Variants in ABCA13 observed in about 807,000 individuals in gnomAD.
ABCA13 encodes ATP-binding cassette sub-family A member 13.
Under a neutral mutation model 478.7 loss-of-function variants are expected in ABCA13, and 476 were observed. The ratio of observed to expected loss-of-function variants is 0.99; its 90% confidence interval spans 0.92 to 1.07. The LOEUF (loss-of-function observed/expected upper bound fraction) is 1.07, where lower values mean the gene tolerates loss of function less well. Among genes scored for constraint, ABCA13 ranks in the 50% least tolerant of loss-of-function variants. The pLI, the probability that ABCA13 is intolerant of heterozygous loss-of-function variation, is 0.00. For missense variants in ABCA13, 6,060 were observed against 5,910.6 expected (o/e 1.03, Z -0.83); for synonymous variants, 2,252 against 2,158.9 (o/e 1.04, Z -1.20).
In ABCA13 at chr7:48,339,439, A is replaced by G. The variant is rs961859689; in HGVS notation, c.10204+984A>G. Among the ~76,000 whole-genome samples the G allele has an allele frequency of 3.3e-5, 5 of 152,310 alleles. No individual in the cohort carries two copies. In the East Asian group the frequency reaches 9.6e-4, roughly 29 times the overall value. On this transcript the variant is annotated intron_variant, in intron 29 of 61. Transcript: ENST00000435803. ...CCATCTTCTGTTGCTGGAACCAAGG[A>G]CTGACATGGGTCTGAGAGATTTCCT...
chr7:48,394,329 G>A (rs886451639), intron 38 of ABCA13, among the ~76,000 whole-genome samples: 4 of 152,066 alleles, frequency 2.6e-5, no homozygotes, highest in Non-Finnish European at 5.9e-5. Context: ...TGCCTGCTGC[G>A]CTGGTCTTAT....
intron 5 of ABCA13, among the ~76,000 whole-genome samples, chr7:48,226,288 C>T (rs1007568483): frequency 6.6e-6 from 1 of 151,972 alleles, no homozygotes; most frequent in Non-Finnish European, 1.5e-5. Context: ...GAAGTCATGC[C>T]GAAAAGCATG....
At chr7:48,329,943 A>G (rs546163309) in intron 27 of ABCA13, among the ~76,000 whole-genome samples, 5 of 151,684 alleles carry the variant, frequency 3.3e-5, no homozygotes, top group Admixed American at 2.6e-4. Context: ...TCATCCATCC[A>G]TCTAGCCTTC....
intron 7 of ABCA13, among the ~76,000 whole-genome samples, chr7:48,231,956 C>G (rs1003901468): frequency 3.9e-5 from 6 of 152,068 alleles, no homozygotes; most frequent in African/African-American, 1.4e-4. Flanking sequence ...GCCACTGCGC[C>G]CAACCCTGAA....
At position 48,516,899 on chromosome 7, in the gene ABCA13, A is replaced by T; in HGVS notation, c.13797+18A>T. Reference sequence around the variant, plus strand: ...AAGCTAAGGTCAGTAGCTTTGTAGCATCACCTCTACACTTCTGCACCTCTA... The same window carrying T: ...AAGCTAAGGTCAGTAGCTTTGTAGCTTCACCTCTACACTTCTGCACCTCTA... On this transcript the variant is annotated intron_variant, in intron 52 of 61. Transcript: ENST00000435803. 6.2e-7 allele frequency: 1 copy of T among 1,612,070 alleles called. No homozygotes were observed. Among genetic ancestry groups the T allele is most frequent in the Non-Finnish European group, 8.5e-7 (1 of 1,178,596 alleles).
intron 38 of ABCA13, among the ~76,000 whole-genome samples, chr7:48,398,888 G>T (rs1817218768): frequency 6.6e-6 from 1 of 152,120 alleles, no homozygotes; most frequent in Non-Finnish European, 1.5e-5. Context: ...GCAAGAAAGA[G>T]AAATCAGTAG....
At chr7:48,293,150 C>T (rs901889949) in intron 20 of ABCA13, among the ~76,000 whole-genome samples, 2 of 148,362 alleles carry the variant, frequency 1.3e-5, no homozygotes, top group Admixed American at 1.4e-4. Context: ...CATGAGTGCT[C>T]TGATCATGGA....
chr7:48,387,622 T>C (rs1003533754), intron 35 of ABCA13, among the ~76,000 whole-genome samples, 200 bp from the exon 36 acceptor site: 4 of 152,142 alleles, frequency 2.6e-5, no homozygotes, highest in Non-Finnish European at 5.9e-5. Context: ...CACATGGCTG[T>C]GGATCAGGCC....
chr7:48,174,113 C>T (rs1207431124), intron 1 of ABCA13, among the ~76,000 whole-genome samples: 2 of 152,216 alleles, frequency 1.3e-5, no homozygotes, highest in Admixed American at 6.5e-5. Context: ...TTCTCCCATT[C>T]TCCAATGATA....
At chr7:48,216,191 A>G (rs975848743) in intron 3 of ABCA13, among the ~76,000 whole-genome samples, 4 of 152,166 alleles carry the variant, frequency 2.6e-5, no homozygotes, top group Admixed American at 2.6e-4. Context: ...ACGTGGCTCT[A>G]CCATTTTGCT....
At chr7:48,212,947 A>G (rs762716966) in intron 3 of ABCA13, among the ~76,000 whole-genome samples, 89 of 151,910 alleles carry the variant, frequency 5.9e-4, no homozygotes, top group Non-Finnish European at 1.1e-3. Context: ...ACTTTTTTCT[A>G]TTTTGAGTAG....
rs1390070593 is a variant in ABCA13, at chr7:48,273,794, C to T, written c.4128C>T (p.Asp1376=). The change falls in exon 17 of 62, where the codon GAC becomes GAT. Residue 1376 remains aspartate (D), a synonymous_variant. Coordinates refer to ENST00000435803, the MANE Select transcript of ABCA13 (RefSeq NM_152701.5). ...NTSQRMLRIL[D]TLNSTFSSEN... The stretch of plus-strand genomic sequence containing the variant: ...CACAGAGGATGTTACGTATTCTAGA[C>T]ACGTTAAATTCCACATTTTCCTCTG... The T allele has an allele frequency of 6.2e-7, 1 of 1,611,352 alleles. No individual in the cohort carries two copies. Among genetic ancestry groups the T allele is most frequent in the South Asian group, 1.1e-5 (1 of 90,800 alleles).
At chr7:48,497,797 C>T (rs908859108) in intron 48 of ABCA13, among the ~76,000 whole-genome samples, 10 of 152,194 alleles carry the variant, frequency 6.6e-5, no homozygotes, top group South Asian at 2.1e-4. Flanking sequence ...GCCCTGATGA[C>T]GCTGGGGACA....
intron 14 of ABCA13, 72 bp downstream of exon 14, chr7:48,248,516 C>G (rs2128688179): frequency 8.3e-7 from 1 of 1,211,040 alleles, no homozygotes; most frequent in East Asian, 2.4e-5. Context: ...CCCTTCTACA[C>G]AAATGATAGA....
rs766255289 is a variant in ABCA13, at chr7:48,372,388, C to CT, written c.11025dup (p.Asn3676Ter). On this transcript the variant is annotated frameshift_variant, in exon 33 of 62. Coordinates refer to ENST00000435803, the MANE Select transcript of ABCA13 (RefSeq NM_152701.5). LOFTEE classifies it high-confidence loss of function. Reference sequence around the variant, plus strand: ...CTCTTGAGTGCATTTTTCAGCCAAGCTAATACAGCGGCCCTTTGTACCAGC... The same window carrying CT: ...CTCTTGAGTGCATTTTTCAGCCAAGCTTAATACAGCGGCCCTTTGTACCAGC... 2.1e-5 allele frequency: 34 copies of CT among 1,613,928 alleles called. No homozygotes were observed. In the African/African-American group the frequency reaches 4.0e-4, roughly 19 times the overall value.
intron 35 of ABCA13, among the ~76,000 whole-genome samples, chr7:48,380,836 C>T (rs1444706015): frequency 6.6e-6 from 1 of 152,094 alleles, no homozygotes; most frequent in Admixed American, 6.5e-5. Flanking sequence ...GTGCCTTTCA[C>T]AAGCAAAAAA....
At chr7:48,523,251 A>G (rs1011474628) in intron 53 of ABCA13, among the ~76,000 whole-genome samples, 11 of 152,134 alleles carry the variant, frequency 7.2e-5, no homozygotes, top group South Asian at 4.1e-4. Context: ...CTCATCGTCT[A>G]TGTTCTCTGT....
At chr7:48,584,430 C>G (rs1331733763) in intron 56 of ABCA13, among the ~76,000 whole-genome samples, 1 of 152,180 alleles carries the variant, frequency 6.6e-6, no homozygotes, top group East Asian at 1.9e-4. Context: ...AGTTTGCACG[C>G]TCTCTCCATG....
intron 58 of ABCA13, among the ~76,000 whole-genome samples, chr7:48,614,631 A>C (rs1157457502): frequency 6.6e-6 from 1 of 150,748 alleles, no homozygotes; most frequent in Non-Finnish European, 1.5e-5. Context: ...ACTTGGAACC[A>C]ACCCAAATGT....
Sources: allele counts gnomAD v4.1 joint callset (sites outside exome capture counted in the v4.1 genomes callset), GRCh38; gene constraint gnomAD v4.1.1; transcripts MANE v1.5; gene names NCBI Gene and HGNC (gene_info 2026-07-23, HGNC 2026-07-21).